The following PCBP2 variants were observed in gnomAD, a reference collection of about 807,000 sequenced individuals.
The protein encoded by PCBP2 is poly(rC)-binding protein 2.
PCBP2 carries 4 observed loss-of-function variants against 50.1 expected under a neutral mutation model. That is an observed-to-expected ratio of 0.08 (90% CI 0.04 to 0.18). The LOEUF is 0.18. Among genes scored for constraint, PCBP2 ranks in the 10% least tolerant of loss-of-function variants. PCBP2 has a pLI of 1.00. For missense variants in PCBP2, 161 were observed against 474.3 expected (o/e 0.34, Z 6.14); for synonymous variants, 179 against 168.0 (o/e 1.07, Z -0.51).
intron 13 of PCBP2, among the ~76,000 whole-genome samples, chr12:53,471,282 T>G (rs1942215406): frequency 1.3e-5 from 2 of 151,812 alleles, no homozygotes; most frequent in Admixed American, 6.6e-5. Context: ...CTCGGTTTTT[T>G]TTTTTTTTTT....
rs371831995 is a variant in PCBP2, at chr12:53,471,790, A to G, written c.1035A>G (p.Gln345=). 37 of 1,612,364 alleles carry G rather than the reference A, an allele frequency of 2.3e-5. 1 individual carries two copies. Among genetic ancestry groups the G allele is most frequent in the East Asian group, 1.3e-4 (6 of 44,892 alleles). ...TGSAASISLA[Q]YLINVRLSSE... is the part of the protein sequence containing the mutation. ...CTGCTGCCAGCATTAGCCTGGCTCA[A>G]TATCTAATCAATGTCAGGTAAGATT... The change falls in exon 14 of 15, where the codon CAA becomes CAG. Residue 345 remains glutamine, a synonymous_variant. Coordinates refer to ENST00000546463, the MANE Select transcript of PCBP2 (RefSeq NM_031989.5).
At chr12:53,462,386 G>A (rs1361084228) in intron 7 of PCBP2, 107 bp from the exon 8 acceptor site, 8 of 797,360 alleles carry the variant, frequency 1.0e-5, no homozygotes, top group Non-Finnish European at 1.6e-5. Flanking sequence ...GTAAGGGGAT[G>A]GAAATAGTTT....
rs557283796 is a variant in PCBP2, at chr12:53,455,971, C to T, written c.213C>T (p.Ala71=). 1.9e-6 allele frequency: 3 copies of T among 1,611,194 alleles called. No homozygotes were observed. Among genetic ancestry groups the T allele is most frequent in the Non-Finnish European group, 2.5e-6 (3 of 1,177,400 alleles). ...GACCCACTAATGCCATCTTCAAAGC[C>T]TTTGCTATGATCATTGACAAACTGG... ...LAGPTNAIFK[A]FAMIIDKLEE... The change falls in exon 5 of 15, where the codon GCC becomes GCT. Residue 71 remains alanine (A), a synonymous_variant. Transcript: ENST00000546463.
chr12:53,465,862 G>A, intron 9 of PCBP2, 70 bp from the exon 10 acceptor site: 1 of 1,246,304 alleles, frequency 8.0e-7, no homozygotes, highest in Non-Finnish European at 1.2e-6. Context: ...TAGTTGAAAT[G>A]TCTTTTTCCC....
intron 1 of PCBP2, among the ~76,000 whole-genome samples, chr12:53,453,834 T>C (rs945695587): frequency 6.6e-6 from 1 of 152,200 alleles, no homozygotes. Flanking sequence ...TTAGGAACAA[T>C]GTTAGGAATT....
chr12:53,459,985 C>G (rs2137041185), intron 6 of PCBP2: 1 of 370,928 alleles, frequency 2.7e-6, no homozygotes, highest in East Asian at 8.1e-5. Flanking sequence ...TTTCGAACTC[C>G]TGAGCTCAAG....
chr12:53,478,434 G>T (rs1942797788), intron 14 of PCBP2, among the ~76,000 whole-genome samples: 1 of 152,094 alleles, frequency 6.6e-6, no homozygotes, highest in Non-Finnish European at 1.5e-5. Context: ...CTAGAACACG[G>T]GAGGCAGGGG....
In PCBP2 at chr12:53,481,158, A is replaced by C. The variant is rs763809039; in HGVS notation, c.*1716A>C. ...ATATAATTTATATAAATATTTCTCT[A>C]TGTACAAGGAATACGAGTGGCTTTC... is the stretch of plus-strand genomic sequence containing the variant. On this transcript the variant is annotated 3_prime_UTR_variant, in exon 15 of 15. Coordinates refer to ENST00000546463, the MANE Select transcript of PCBP2 (RefSeq NM_031989.5). The C allele has an allele frequency of 2.5e-6, 3 of 1,189,494 alleles. No individual in the cohort carries two copies. Among genetic ancestry groups the C allele is most frequent in the Non-Finnish European group, 3.3e-6 (3 of 899,618 alleles). 73.7% of individuals were successfully genotyped at this position (1,189,494 alleles called of 1,614,324 possible). A position where few individuals can be genotyped will look rare whatever the true frequency, so the allele number is the denominator to read the frequency against.
intron 5 of PCBP2, among the ~76,000 whole-genome samples, chr12:53,458,098 T>G (rs1377495428): frequency 2.0e-5 from 3 of 151,542 alleles, no homozygotes; most frequent in Non-Finnish European, 4.4e-5. Flanking sequence ...CTGGCTAATT[T>G]TTGTATTTTT....
At chr12:53,468,418 A>C (rs1276306734) in intron 12 of PCBP2, 7 of 275,212 alleles carry the variant, frequency 2.5e-5, no homozygotes, top group Non-Finnish European at 6.9e-6. Flanking sequence ...CAGGTGAGAT[A>C]CAATTTGGAA....
At chr12:53,479,261 G>T in intron 14 of PCBP2, 145 bp from the exon 15 acceptor site, 1 of 701,502 alleles carries the variant, frequency 1.4e-6, no homozygotes, top group Non-Finnish European at 2.6e-6. Context: ...AAGGATCATG[G>T]TACTGGTAAA....
In PCBP2 at chr12:53,467,300, A is replaced by T. The variant is rs774047287; in HGVS notation, c.787+7A>T. On this transcript the variant is annotated splice_region_variant and intron_variant, in intron 11 of 14. Coordinates refer to ENST00000546463, the MANE Select transcript of PCBP2 (RefSeq NM_031989.5). ...GGCAACACCGGATTCAGTGGTATGGATACCTCAGTGTTTATTTCTGTAAGG... is the reference window on the plus strand; with the variant it reads ...GGCAACACCGGATTCAGTGGTATGGTTACCTCAGTGTTTATTTCTGTAAGG... The T allele has an allele frequency of 6.8e-6, 11 of 1,607,218 alleles. No homozygotes were observed. Among genetic ancestry groups the T allele is most frequent in the Non-Finnish European group, 9.4e-6 (11 of 1,173,674 alleles).
intron 5 of PCBP2, among the ~76,000 whole-genome samples, chr12:53,456,457 CAAAAAA>C (rs111399555): frequency 7.8e-6 from 1 of 127,846 alleles, no homozygotes; most frequent in African/African-American, 2.9e-5. Context: ...GACTCTGTCT[CAAAAAA>C]AAAAAAAAGT....
intron 7 of PCBP2, among the ~76,000 whole-genome samples, chr12:53,462,098 A>G (rs533220036): frequency 6.6e-6 from 1 of 152,354 alleles, no homozygotes; most frequent in Non-Finnish European, 1.5e-5. Flanking sequence ...TTCTAGACAT[A>G]ACACTTGAGT....
chr12:53,468,917 C>CTTTT (rs5798266), intron 13 of PCBP2, 85 bp downstream of exon 13: 233 of 574,002 alleles, frequency 4.1e-4, no homozygotes, highest in East Asian at 1.2e-3. Flanking sequence ...TCCTGCTACC[C>CTTTT]TTTTTTTTTT....
In PCBP2 at chr12:53,480,257, T is replaced by C. The variant is rs1313480001; in HGVS notation, c.*815T>C. On this transcript the variant is annotated 3_prime_UTR_variant, in exon 15 of 15. Coordinates refer to ENST00000546463, the MANE Select transcript of PCBP2 (RefSeq NM_031989.5). ...ACTAAAAATTTCAGTCTATTGTTTT[T>C]AGTAACTTCATTTATAGTCCTCCAT... 6.6e-6 allele frequency: 1 copy of C among 152,238 alleles called. No homozygotes were observed. Among genetic ancestry groups the C allele is most frequent in the Non-Finnish European group, 1.5e-5 (1 of 68,040 alleles). The allele number at this position is 152,238 out of a possible 1,614,324, so 9.4% of individuals were successfully genotyped here.
In PCBP2 at chr12:53,467,495, G is replaced by GA. The variant is rs946937319; in HGVS notation, c.787+211dup. The GA allele has an allele frequency of 4.5e-4, 282 of 622,678 alleles. 1 individual carries two copies. The highest frequency in any genetic ancestry group is 1.5e-3 in the South Asian group (77 of 52,684). The allele number at this position is 622,678 out of a possible 1,614,324, so 38.6% of individuals were successfully genotyped here. On this transcript the variant is annotated intron_variant, in intron 11 of 14. Transcript: ENST00000546463. ...TCATTTGGGGTCAGTTATTCTAAAA[G>GA]AAAAAAAAAGCCCTGGAAGGTTTGG...
chr12:53,467,195 G>A (rs1941884634), intron 10 of PCBP2, 26 bp from the exon 11 acceptor site: 3 of 1,595,300 alleles, frequency 1.9e-6, no homozygotes, highest in African/African-American at 1.3e-5. Context: ...ATCTTCTAAT[G>A]CCAACCTCCT....
At chr12:53,461,224 G>T (rs922598415) in intron 7 of PCBP2, 81 bp downstream of exon 7, 3 of 1,489,080 alleles carry the variant, frequency 2.0e-6, no homozygotes, top group South Asian at 1.2e-5. Context: ...AGTAAGACTA[G>T]AATTAAGTGA....
Sources: allele counts gnomAD v4.1 joint callset (sites outside exome capture counted in the v4.1 genomes callset), GRCh38; gene constraint gnomAD v4.1.1; transcripts MANE v1.5; gene names NCBI Gene and HGNC (gene_info 2026-07-23, HGNC 2026-07-21).